Variants in HTR7 observed in about 807,000 individuals in gnomAD.
HTR7 encodes 5-HT-7.
A neutral mutation model predicts 34.0 loss-of-function variants in HTR7; 16 were observed. The ratio of observed to expected loss-of-function variants is 0.47; its 90% CI spans 0.32 to 0.71. The LOEUF (loss-of-function observed/expected upper bound fraction) is 0.71, where lower values mean the gene tolerates loss of function less well. Ranked by LOEUF, HTR7 falls within the 30% of genes least tolerant of loss-of-function variation. The probability of loss-of-function intolerance (pLI) is 0.04; values close to 1 mark genes in which losing one functional copy is unlikely to be tolerated. For missense variants in HTR7, 504 were observed against 625.5 expected, an observed-to-expected ratio of 0.81 and a Z score of 2.07; for synonymous variants, 265 against 260.2, an observed-to-expected ratio of 1.02 and a Z score of -0.18.
intron 1 of HTR7, among the ~76,000 whole-genome samples, chr10:90,799,274 C>A (rs1388896730): frequency 6.6e-6 from 1 of 152,074 alleles, no homozygotes; most frequent in Non-Finnish European, 1.5e-5. Context: ...AAACTCTGAT[C>A]CCTGAATGCT....
At chr10:90,775,638 G>A (rs1845194082) in intron 1 of HTR7, among the ~76,000 whole-genome samples, 1 of 152,188 alleles carries the variant, frequency 6.6e-6, no homozygotes, top group Non-Finnish European at 1.5e-5. Context: ...GTTGAGCAGG[G>A]GAAGACTTGG....
rs554954989 is a variant in HTR7 at position 90,749,099 on chromosome 10, G to A, written c.1035C>T (p.Leu345=). 2 of 1,614,164 alleles carry A rather than the reference G, an allele frequency of 1.2e-6. No homozygotes were observed. Among genetic ancestry groups the A allele is most frequent in the African/African-American group, 2.7e-5 (2 of 75,062 alleles). Residue 345 remains leucine (L), a synonymous_variant, in exon 2 of 4, where the codon CTC becomes CTT. Coordinates refer to ENST00000336152, the MANE Select transcript of HTR7 (RefSeq NM_019859.4). The surrounding 1 kb of genome is among the most constrained non-coding windows in gnomAD (Gnocchi z 4.2). ...AFTVCWLPFF[L]LSTARPFICG... ...AGATGAAGGGTCTGGCTGTCGAGAG[G>A]AGGAAAAATGGCAGCCAGCACACGG...
chr10:90,854,279 A>C (rs1846546347), intron 1 of HTR7, among the ~76,000 whole-genome samples: 1 of 152,198 alleles, frequency 6.6e-6, no homozygotes, highest in South Asian at 2.1e-4. Flanking sequence ...ACCTGAACCC[A>C]GGAGGCGGAG....
At chr10:90,750,468 T>C (rs904026594) in intron 1 of HTR7, among the ~76,000 whole-genome samples, 1 of 152,246 alleles carries the variant, frequency 6.6e-6, no homozygotes, top group African/African-American at 2.4e-5. Context: ...AAATGCTTAA[T>C]ATTTTTCAGC....
intron 1 of HTR7, among the ~76,000 whole-genome samples, chr10:90,836,422 C>T (rs1846253351): frequency 6.6e-6 from 1 of 152,078 alleles, no homozygotes; most frequent in African/African-American, 2.4e-5. Context: ...ACAATATTAC[C>T]AATAGTATTA....
chr10:90,800,973 T>C (rs1845615935), intron 1 of HTR7, among the ~76,000 whole-genome samples: 1 of 152,178 alleles, frequency 6.6e-6, no homozygotes, highest in Admixed American at 6.5e-5. Context: ...AATTCTCCTA[T>C]CAGTGCTGGC....
At chr10:90,847,860 A>T (rs1353479357) in intron 1 of HTR7, among the ~76,000 whole-genome samples, 2 of 152,220 alleles carry the variant, frequency 1.3e-5, no homozygotes, top group Non-Finnish European at 2.9e-5. Flanking sequence ...AGATGTATCA[A>T]ATACATACTT....
At position 90,857,533 on chromosome 10, in the gene HTR7, G is replaced by C. The variant is rs1846606033; in HGVS notation, c.139C>G (p.His47Asp). The C allele has an allele frequency of 1.2e-6, 2 of 1,606,328 alleles. No individual in the cohort carries two copies. Among genetic ancestry groups the C allele is most frequent in the Non-Finnish European group, 1.7e-6 (2 of 1,177,090 alleles). Reference sequence around the variant, plus strand: ...CTGGCTGTCACCTCGCTCAGCAGGTGCGGCGCCCAGGAGCCCGCGACCGGG... The same window carrying C: ...CTGGCTGTCACCTCGCTCAGCAGGTCCGGCGCCCAGGAGCCCGCGACCGGG... Reference protein sequence around the residue: ...ADPVAGSWAPHLLSEVTASPA... With the variant: ...ADPVAGSWAPDLLSEVTASPA... Residue 47 changes from histidine (H) to aspartate (D), a missense_variant, in exon 1 of 4, where the codon CAC (histidine) becomes GAC (aspartate). Transcript: ENST00000336152. The surrounding 1 kb of genome is among the most constrained non-coding windows in gnomAD (Gnocchi z 6.5).
At chr10:90,781,727 T>A (rs928424339) in intron 1 of HTR7, among the ~76,000 whole-genome samples, 1 of 152,204 alleles carries the variant, frequency 6.6e-6, no homozygotes, top group Non-Finnish European at 1.5e-5. Context: ...TCCTTCCCCA[T>A]CAACTTAAAG....
intron 1 of HTR7, among the ~76,000 whole-genome samples, chr10:90,818,934 C>T (rs1156440864): frequency 6.6e-6 from 1 of 152,174 alleles, no homozygotes; most frequent in Non-Finnish European, 1.5e-5. Context: ...TCTCTCTCTT[C>T]CTCCTGCTCC....
intron 1 of HTR7, among the ~76,000 whole-genome samples, chr10:90,774,248 G>A (rs1448308901): frequency 6.6e-6 from 1 of 152,136 alleles, no homozygotes; most frequent in African/African-American, 2.4e-5. Flanking sequence ...GTCTGAATCA[G>A]CACAGATTAC....
chr10:90,830,425 G>A (rs1466306837), intron 1 of HTR7, among the ~76,000 whole-genome samples: 1 of 152,094 alleles, frequency 6.6e-6, no homozygotes, highest in Non-Finnish European at 1.5e-5. Context: ...CCTAAGAAAA[G>A]GCAAAAGTCA....
intron 1 of HTR7, among the ~76,000 whole-genome samples, chr10:90,772,688 T>G (rs1016998910): frequency 6.6e-6 from 1 of 152,194 alleles, no homozygotes; most frequent in African/African-American, 2.4e-5. Context: ...CTAAGTTTAA[T>G]GAAACATGGT....
At chr10:90,772,201 T>C (rs1564676588) in intron 1 of HTR7, among the ~76,000 whole-genome samples, 1 of 152,018 alleles carries the variant, frequency 6.6e-6, no homozygotes, top group East Asian at 1.9e-4. Context: ...AAAAAGCAAA[T>C]AGTCATTAGA....
chr10:90,748,036 C>A (rs1452672678), intron 2 of HTR7, among the ~76,000 whole-genome samples: 1 of 152,190 alleles, frequency 6.6e-6, no homozygotes, highest in Non-Finnish European at 1.5e-5. Context: ...ATCCCAAGAA[C>A]CTATTGTAAT....
At position 90,821,945 on chromosome 10, in the gene HTR7, AT is replaced by A. The variant is rs530583299; in HGVS notation, c.539+35187del. On this transcript the variant is annotated intron_variant, in intron 1 of 3. Transcript: ENST00000336152. ...TAAGTTTCCTGAGGCCTCCCCAGCC[AT>A]GCCTCCTGTACAGCCTTTGGAACTG... Among the ~76,000 whole-genome samples, 292 of 152,262 alleles carry A rather than the reference AT, an allele frequency of 1.9e-3. 1 individual carries two copies. Among genetic ancestry groups the A allele is most frequent in the Non-Finnish European group, 3.4e-3 (231 of 68,018 alleles).
chr10:90,769,936 G>A (rs1014470436), intron 1 of HTR7, among the ~76,000 whole-genome samples: 3 of 152,238 alleles, frequency 2.0e-5, no homozygotes, highest in South Asian at 2.1e-4. Context: ...CTGCCATCAC[G>A]CTGGCTGCAG....
chr10:90,765,180 G>GT (rs1420982973), intron 1 of HTR7, among the ~76,000 whole-genome samples: 1 of 152,042 alleles, frequency 6.6e-6, no homozygotes, highest in Non-Finnish European at 1.5e-5. Context: ...TTGTTGGGAG[G>GT]TTTTTTATTA....
intron 1 of HTR7, among the ~76,000 whole-genome samples, chr10:90,827,106 A>ACCT (rs1047984965): frequency 6.6e-5 from 10 of 152,098 alleles, no homozygotes; most frequent in African/African-American, 2.4e-4. Flanking sequence ...AGAGAAAATA[A>ACCT]CCTTTACTAA....
Sources: gnomAD v4.1 joint callset for allele counts (sites outside exome capture counted in the v4.1 genomes callset) on GRCh38, gnomAD v4.1.1 for gene constraint, Gnocchi (gnomAD v3.1) non-coding constraint, MANE v1.5 for transcripts, NCBI Gene and HGNC (gene_info 2026-07-23, HGNC 2026-07-21) for gene names.